ODR4: variants seen among roughly 807,000 people sequenced by gnomAD.
The protein encoded by ODR4 is protein odr-4 homolog.
ODR4 carries 47 observed loss-of-function variants against 60.2 expected under a neutral mutation model. The observed-to-expected ratio is 0.78, with a 90% confidence interval of 0.62 to 1.00. The LOEUF (loss-of-function observed/expected upper bound fraction) is 1.00, where lower values mean the gene tolerates loss of function less well. ODR4 is among the 50% of genes least tolerant of loss of function. The pLI is 0.00. For missense variants in ODR4, 488 were observed against 530.8 expected, an observed-to-expected ratio of 0.92 and a Z score of 0.79; for synonymous variants, 178 against 175.5, an observed-to-expected ratio of 1.01 and a Z score of -0.11.
chr1:186,376,127 A>C (rs1159553478), intron 1 of ODR4, among the ~76,000 whole-genome samples, 153 bp downstream of exon 1: 2 of 151,806 alleles, frequency 1.3e-5, no homozygotes, highest in Non-Finnish European at 2.9e-5. Context: ...GGCGTACCTA[A>C]ATGGTTTTTG....
In ODR4 at chr1:186,398,397, G is replaced by T; in HGVS notation, c.865G>T (p.Ala289Ser). The T allele has an allele frequency of 1.2e-6, 2 of 1,609,974 alleles. No individual in the cohort carries two copies. Among genetic ancestry groups the T allele is most frequent in the South Asian group, 2.2e-5 (2 of 90,620 alleles). ...VNLKGAVKCR[A>S]YIHSSKPKVK... ...CCTTAAGGGTGCTGTGAAATGCAGA[G>T]CTTATATCCACAGCAGTAAACCCAA... Residue 289 changes from alanine (A) to serine (S), a missense_variant, in exon 10 of 14, where the codon GCT becomes TCT. Coordinates refer to ENST00000287859, the MANE Select transcript of ODR4 (RefSeq NM_017847.6).
At chr1:186,434,630 A>C in the ODR4 span, among the ~76,000 whole-genome samples, 15 of 152,232 alleles carry the variant, frequency 9.9e-5, no homozygotes, top group Non-Finnish European at 1.9e-4. Context: ...GGGAAAAAAT[A>C]AATTGGAGAT....
chr1:186,382,495 T>C (rs1365588884), intron 2 of ODR4, among the ~76,000 whole-genome samples: 1 of 152,016 alleles, frequency 6.6e-6, no homozygotes, highest in Non-Finnish European at 1.5e-5. Flanking sequence ...TTGAGGAACA[T>C]AGAATCTGTA....
At chr1:186,382,248 G>GT (rs1660064674) in intron 2 of ODR4, among the ~76,000 whole-genome samples, 2 of 70,788 alleles carry the variant, frequency 2.8e-5, no homozygotes, top group African/African-American at 4.7e-5. Context: ...CTACAAAAAA[G>GT]TAAAAAAAAA....
downstream of ODR4, among the ~76,000 whole-genome samples, chr1:186,421,543 A>G (rs1191992416): frequency 6.6e-6 from 1 of 152,248 alleles, no homozygotes; most frequent in East Asian, 1.9e-4. Flanking sequence ...ATGTGTAGTC[A>G]AGAGTTCAAG....
At chr1:186,386,187 A>T (rs971919662) in intron 4 of ODR4, 104 bp downstream of exon 4, 7 of 619,156 alleles carry the variant, frequency 1.1e-5, no homozygotes, top group Non-Finnish European at 1.8e-5. Flanking sequence ...TTTGTTTTCC[A>T]TAATTCTTTT....
chr1:186,429,895 G>A, the ODR4 span, among the ~76,000 whole-genome samples: 1 of 151,932 alleles, frequency 6.6e-6, no homozygotes, highest in Non-Finnish European at 1.5e-5. Context: ...TGGTCAATGA[G>A]GTCTCATAAA....
downstream of ODR4, among the ~76,000 whole-genome samples, chr1:186,423,076 T>C (rs1661821568): frequency 6.6e-6 from 1 of 152,154 alleles, no homozygotes; most frequent in Non-Finnish European, 1.5e-5. Flanking sequence ...TTAAATTGGC[T>C]CAGGAAGAAA....
At chr1:186,426,342 G>A (rs996541927), downstream of ODR4, among the ~76,000 whole-genome samples, 13 of 152,296 alleles carry the variant, frequency 8.5e-5, no homozygotes, top group South Asian at 1.9e-3. Flanking sequence ...CAGTTGGGTG[G>A]CCCTGCTCCA....
rs1660980474 is a variant in ODR4 at position 186,402,094 on chromosome 1, C to G, written c.1000+3050C>G. On this transcript the variant is annotated intron_variant, in intron 11 of 13. Transcript: ENST00000287859. ...TCTTTTCTCTCTCTCTCTTTTTCTT[C>G]TTCCTTTCTTTCTACGAAGACAAGT... Among the ~76,000 whole-genome samples the G allele has an allele frequency of 2.6e-5, 4 of 151,944 alleles. No homozygotes were observed. In the South Asian group the frequency reaches 8.3e-4, roughly 32 times the overall value.
At chr1:186,425,080 G>C (rs1661861804), downstream of ODR4, among the ~76,000 whole-genome samples, 1 of 152,006 alleles carries the variant, frequency 6.6e-6, no homozygotes. Flanking sequence ...CCTGGTCATA[G>C]TAATTTGTGT....
intron 2 of ODR4, 40 bp downstream of exon 2, chr1:186,379,924 C>A: frequency 8.8e-7 from 1 of 1,140,418 alleles, no homozygotes; most frequent in Non-Finnish European, 1.2e-6. Context: ...TAAATAATTA[C>A]TCTGTAATTT....
In ODR4 at chr1:186,399,168, T is replaced by C. The variant is rs942391500; in HGVS notation, c.1000+124T>C. ...CTATATTTTCAAGCAGTATATCATC[T>C]TTTATTATTGGATGAAAATTTTTCA... On this transcript the variant is annotated intron_variant, in intron 11 of 13. Transcript: ENST00000287859. 1.1e-5 allele frequency: 8 copies of C among 750,354 alleles called. No individual in the cohort carries two copies. The Admixed American group carries it at 1.4e-4, about 13-fold the overall frequency. 46.5% of individuals were successfully genotyped at this position (750,354 alleles called of 1,614,324 possible). A position where few individuals can be genotyped will look rare whatever the true frequency, so the allele number is the denominator to read the frequency against.
At chr1:186,409,572 G>A (rs940841859) in intron 12 of ODR4, among the ~76,000 whole-genome samples, 2 of 152,132 alleles carry the variant, frequency 1.3e-5, no homozygotes, top group Non-Finnish European at 2.9e-5. Flanking sequence ...TTGAGACGGA[G>A]TCTCGCTCTG....
intron 2 of ODR4, among the ~76,000 whole-genome samples, 165 bp from the exon 3 acceptor site, chr1:186,382,857 T>C (rs1246536918): frequency 3.3e-5 from 5 of 152,214 alleles, no homozygotes; most frequent in South Asian, 2.1e-4. Context: ...CCTTGAAAAT[T>C]AGCTTCCCTT....
chr1:186,402,087 T>C (rs1469149546), intron 11 of ODR4, among the ~76,000 whole-genome samples: 1 of 151,992 alleles, frequency 6.6e-6, no homozygotes, highest in East Asian at 1.9e-4. Flanking sequence ...CTCTCTCTCT[T>C]TTTCTTCTTC....
In ODR4 at chr1:186,406,243, G is replaced by C. The variant is rs375925820; in HGVS notation, c.1161G>C (p.Leu387Phe). 1.2e-4 allele frequency: 189 copies of C among 1,604,376 alleles called. No homozygotes were observed. Among genetic ancestry groups the C allele is most frequent in the Non-Finnish European group, 1.6e-4 (185 of 1,176,082 alleles). Residue 387 changes from leucine to phenylalanine, a missense_variant, in exon 12 of 14, where the codon TTG becomes TTC. By Grantham distance (22) the Leu-to-Phe change is conservative. Transcript: ENST00000287859. The stretch of plus-strand genomic sequence containing the variant: ...ATCACACAATTCAAATAGAAGATTT[G>C]GAAATTGCAGAGGAAACAAACACAG... ...MLDHTIQIED[L>F]EIAEETNTAC...
At chr1:186,409,269 A>G (rs1553237947) in intron 12 of ODR4, among the ~76,000 whole-genome samples, 2 of 152,148 alleles carry the variant, frequency 1.3e-5, no homozygotes, top group Non-Finnish European at 2.9e-5. Flanking sequence ...ACCTGGCATG[A>G]CAGCCTCCCA....
At chr1:186,397,071 G>A (rs1281264107) in intron 9 of ODR4, among the ~76,000 whole-genome samples, 1 of 152,110 alleles carries the variant, frequency 6.6e-6, no homozygotes, top group Admixed American at 6.6e-5. Context: ...CTTTGGAGCT[G>A]TGTGGTCTGT....
Sources: allele counts gnomAD v4.1 joint callset (sites outside exome capture counted in the v4.1 genomes callset), GRCh38; gene constraint gnomAD v4.1.1; transcripts MANE v1.5; gene names NCBI Gene and HGNC (gene_info 2026-07-23, HGNC 2026-07-21).